CENPK: variants seen among roughly 807,000 people sequenced by gnomAD.
The protein encoded by CENPK is SoxLZ/Sox6-binding protein Solt.
A neutral mutation model predicts 40.9 loss-of-function variants in CENPK; 46 were observed. The ratio of observed to expected loss-of-function variants is 1.13; its 90% CI spans 0.89 to 1.44. CENPK has a LOEUF of 1.44. CENPK is among the 40% of genes most tolerant of loss of function. The probability of loss-of-function intolerance (pLI) is 0.00; values close to 1 mark genes in which losing one functional copy is unlikely to be tolerated. For synonymous variants in CENPK, 107 were observed against 104.4 expected, an observed-to-expected ratio of 1.02 and a Z score of -0.15; for missense variants, 288 against 303.5, an observed-to-expected ratio of 0.95 and a Z score of 0.38.
At chr5:65,546,153 T>G (rs918447368) in intron 5 of CENPK, among the ~76,000 whole-genome samples, 1 of 152,204 alleles carries the variant, frequency 6.6e-6, no homozygotes, top group Non-Finnish European at 1.5e-5. Context: ...CCGAAGTAAA[T>G]CTGTGACAGT....
the CENPK span, among the ~76,000 whole-genome samples, chr5:65,505,901 C>G: frequency 6.6e-6 from 1 of 152,172 alleles, no homozygotes; most frequent in East Asian, 1.9e-4. Flanking sequence ...ATTTTTACCT[C>G]TTAGTCTTTC....
At chr5:65,500,649 T>G in the CENPK span, among the ~76,000 whole-genome samples, 1 of 152,022 alleles carries the variant, frequency 6.6e-6, no homozygotes, top group Non-Finnish European at 1.5e-5. Context: ...TATCTATTGT[T>G]CTTTGTTTTT....
At chr5:65,521,334 T>C (rs972945774) in intron 10 of CENPK, 141 bp downstream of exon 10, 2 of 632,314 alleles carry the variant, frequency 3.2e-6, no homozygotes, top group Non-Finnish European at 5.6e-6. Context: ...ACCAAAGATA[T>C]ATTATTACAA....
chr5:65,499,460 C>G, the CENPK span, among the ~76,000 whole-genome samples: 1 of 151,516 alleles, frequency 6.6e-6, no homozygotes, highest in Non-Finnish European at 1.5e-5. Context: ...TTTGCCTTCT[C>G]TTTTCAGTTT....
At chr5:65,556,241 G>A (rs893449173) in intron 2 of CENPK, among the ~76,000 whole-genome samples, 26 of 152,218 alleles carry the variant, frequency 1.7e-4, no homozygotes, top group African/African-American at 6.3e-4. Context: ...GGGAGGCCAA[G>A]GTCGTAGGAT....
Position 65,518,426 on chromosome 5 carries a change from A to G in CENPK, c.*49T>C, listed in dbSNP as rs1459452062. On this transcript the variant is annotated 3_prime_UTR_variant, in exon 11 of 11. Transcript: ENST00000396679. The stretch of plus-strand genomic sequence containing the variant: ...ATCCAAATAGTCCTGTGGTTCCAAT[A>G]TCCTTGAATGATAAGAATTTTTACT... 1.3e-6 allele frequency: 2 copies of G among 1,559,606 alleles called. No individual in the cohort carries two copies. The highest frequency in any genetic ancestry group is 3.9e-5 in the Admixed American group (2 of 51,648).
chr5:65,533,440 G>A (rs1401064475), intron 6 of CENPK, among the ~76,000 whole-genome samples: 2 of 152,046 alleles, frequency 1.3e-5, no homozygotes, highest in Non-Finnish European at 2.9e-5. Context: ...GCTTAAAAGT[G>A]TCTACGAAAA....
At chr5:65,514,102 T>C (rs894410892), downstream of CENPK, among the ~76,000 whole-genome samples, 5 of 152,232 alleles carry the variant, frequency 3.3e-5, no homozygotes, top group South Asian at 4.1e-4. Context: ...TATTGTTATA[T>C]TAGATTTGCT....
chr5:65,546,073 G>A (rs956379855), intron 5 of CENPK, among the ~76,000 whole-genome samples: 5 of 152,158 alleles, frequency 3.3e-5, no homozygotes, highest in African/African-American at 1.2e-4. Flanking sequence ...TTGCCAGGGT[G>A]GGGGAAACCC....
chr5:65,510,203 C>G, the CENPK span, among the ~76,000 whole-genome samples: 1 of 152,030 alleles, frequency 6.6e-6, no homozygotes, highest in Non-Finnish European at 1.5e-5. Flanking sequence ...GAGTCTGGCA[C>G]CAATAGTTAC....
intron 1 of CENPK, among the ~76,000 whole-genome samples, chr5:65,562,424 G>C (rs547045940): frequency 1.3e-5 from 2 of 152,248 alleles, no homozygotes; most frequent in East Asian, 3.9e-4. Flanking sequence ...ACTATGGGGG[G>C]GCAGTTCCTT....
chr5:65,541,054 C>A (rs1747888301), intron 6 of CENPK, among the ~76,000 whole-genome samples: 1 of 152,114 alleles, frequency 6.6e-6, no homozygotes, highest in South Asian at 2.1e-4. Flanking sequence ...AACACTTAGG[C>A]TCAAGTGATC....
chr5:65,560,541 A>G (rs1751786739), intron 2 of CENPK, among the ~76,000 whole-genome samples: 1 of 152,202 alleles, frequency 6.6e-6, no homozygotes, highest in Non-Finnish European at 1.5e-5. Context: ...TAAAAAGGTA[A>G]ACAACAAAAA....
rs142535872 is a variant in CENPK at position 65,554,305 on chromosome 5, C to T, written c.111+492G>A. 4.8e-3 allele frequency among the ~76,000 whole-genome samples: 733 copies of T among 152,194 alleles called. 3 individuals carry two copies. Among genetic ancestry groups the T allele is most frequent in the Non-Finnish European group, 7.5e-3 (511 of 68,014 alleles). Reference sequence around the variant, plus strand: ...TAGCTGAGACTAAAGGTGCACACCACCGTGCCCAGCTAATTTGTGTATTTT... The same window carrying T: ...TAGCTGAGACTAAAGGTGCACACCATCGTGCCCAGCTAATTTGTGTATTTT... On this transcript the variant is annotated intron_variant, in intron 3 of 10. Coordinates refer to ENST00000396679, the MANE Select transcript of CENPK (RefSeq NM_022145.5).
intron 5 of CENPK, among the ~76,000 whole-genome samples, chr5:65,549,481 A>G (rs191464571): frequency 8.5e-5 from 13 of 152,310 alleles, no homozygotes; most frequent in African/African-American, 3.1e-4. Context: ...CTCTCTAACT[A>G]TAAGAGTCCT....
downstream of CENPK, among the ~76,000 whole-genome samples, chr5:65,515,086 C>T (rs565568084): frequency 6.0e-3 from 897 of 150,410 alleles, 4 homozygotes; most frequent in African/African-American, 0.021. Flanking sequence ...ATTTAATTTG[C>T]TTTTTCTAAT....
the CENPK span, among the ~76,000 whole-genome samples, chr5:65,503,724 C>G: frequency 6.6e-6 from 1 of 150,536 alleles, no homozygotes; most frequent in Non-Finnish European, 1.5e-5. Flanking sequence ...GTGGCTTGAT[C>G]TCAGCTCACT....
At chr5:65,500,963 C>A in the CENPK span, among the ~76,000 whole-genome samples, 1 of 151,846 alleles carries the variant, frequency 6.6e-6, no homozygotes, top group African/African-American at 2.4e-5. Context: ...AACCATGGTG[C>A]CTGGCCATAT....
chr5:65,511,443 CA>C, the CENPK span, among the ~76,000 whole-genome samples: 1 of 152,186 alleles, frequency 6.6e-6, no homozygotes, highest in Non-Finnish European at 1.5e-5. Context: ...TTCAAAGTTT[CA>C]AAGGACAGAA....
Sources: gnomAD v4.1 joint callset for allele counts (sites outside exome capture counted in the v4.1 genomes callset) on GRCh38, gnomAD v4.1.1 for gene constraint, MANE v1.5 for transcripts, NCBI Gene and HGNC (gene_info 2026-07-23, HGNC 2026-07-21) for gene names.